Variants in SMIM35 observed in about 807,000 individuals in gnomAD.
SMIM35 encodes the protein small integral membrane protein 35.
intron 1 of SMIM35, among the ~76,000 whole-genome samples, chr11:118,032,643 C>T (rs1045831108): frequency 3.3e-5 from 5 of 152,080 alleles, no homozygotes; most frequent in African/African-American, 1.2e-4. Context: ...CATTGTGGCT[C>T]ACACCTGTAA....
At chr11:118,061,124 C>T (rs915386861) in intron 1 of SMIM35, among the ~76,000 whole-genome samples, 1 of 152,184 alleles carries the variant, frequency 6.6e-6, no homozygotes, top group African/African-American at 2.4e-5. Context: ...CACTGCCACT[C>T]GTGACAGACA....
chr11:118,085,082 G>A lies in SMIM35; in HGVS notation c.7+1669C>T, dbSNP rs79388079. Among the ~76,000 whole-genome samples the A allele has an allele frequency of 5.2e-3, 786 of 152,268 alleles. 3 individuals are homozygous for A. The highest frequency in any genetic ancestry group is 8.2e-3 in the Non-Finnish European group (556 of 68,030). ...ATGTGCACGGTGCTGAGCAGGTGGC[G>A]CACCTTACAGAATCTTTCTCCCCAT... is the stretch of plus-strand genomic sequence containing the variant. On this transcript the variant is annotated intron_variant, in intron 1 of 4. Transcript: ENST00000689828.
At position 118,034,624 on chromosome 11, in the gene SMIM35, C is replaced by T. The variant is rs559662056; in HGVS notation, c.8-18815G>A. On this transcript the variant is annotated intron_variant, in intron 1 of 4. Coordinates refer to ENST00000689828, the MANE Select transcript of SMIM35 (RefSeq NM_001394165.1). The stretch of plus-strand genomic sequence containing the variant: ...CTGTAGTCCCAGCTACTTGGAGAAT[C>T]GCCTGGGAGGCAGAGGTTGCAGTGA... 2.8e-4 allele frequency among the ~76,000 whole-genome samples: 43 copies of T among 152,214 alleles called. 1 individual carries two copies. In the South Asian group the frequency reaches 8.7e-3, roughly 31 times the overall value.
chr11:118,036,558 G>A (rs2058360843), intron 1 of SMIM35, among the ~76,000 whole-genome samples: 1 of 152,218 alleles, frequency 6.6e-6, no homozygotes, highest in Admixed American at 6.5e-5. Flanking sequence ...GCACAGGGCT[G>A]GGTGATGCAT....
intron 1 of SMIM35, among the ~76,000 whole-genome samples, chr11:118,018,851 C>T (rs575539400): frequency 1.3e-5 from 2 of 151,914 alleles, no homozygotes; most frequent in African/African-American, 4.8e-5. Flanking sequence ...ATTCTTTAGT[C>T]TTTTTTTTAA....
intron 1 of SMIM35, among the ~76,000 whole-genome samples, chr11:118,061,824 T>C (rs1944399309): frequency 6.6e-6 from 1 of 152,050 alleles, no homozygotes; most frequent in African/African-American, 2.4e-5. Context: ...CCATTATGAG[T>C]TGACTTCACA....
At chr11:118,036,803 A>G (rs1247620284) in intron 1 of SMIM35, among the ~76,000 whole-genome samples, 2 of 152,160 alleles carry the variant, frequency 1.3e-5, no homozygotes. Flanking sequence ...GCAAGATTTA[A>G]TAGAGTGAAA....
At chr11:118,047,268 C>A (rs147587066) in intron 1 of SMIM35, among the ~76,000 whole-genome samples, 1 of 152,168 alleles carries the variant, frequency 6.6e-6, no homozygotes, top group African/African-American at 2.4e-5. Context: ...GATTTATTGG[C>A]GATCTCATCT....
chr11:118,033,530 T>C (rs2058335670), intron 1 of SMIM35, among the ~76,000 whole-genome samples: 1 of 152,188 alleles, frequency 6.6e-6, no homozygotes. Context: ...TTTGTTGTTG[T>C]TGTTGTTGCT....
chr11:118,046,125 A>G (rs746812810), intron 1 of SMIM35, among the ~76,000 whole-genome samples: 14 of 152,200 alleles, frequency 9.2e-5, no homozygotes, highest in Non-Finnish European at 2.1e-4. Context: ...ATTTATCAGT[A>G]GCCTTTGTCC....
rs1374787286 is a variant in SMIM35, at chr11:118,004,147, T to C, written c.*2263A>G. On this transcript the variant is annotated 3_prime_UTR_variant, in exon 5 of 5. Transcript: ENST00000689828. ...TCTTACAAGGGCACTAATCCCATCA[T>C]GGAGGCCCCATCCTCATGACCTCAT... 6.6e-6 allele frequency: 1 copy of C among 152,238 alleles called. No individual in the cohort carries two copies. Among genetic ancestry groups the C allele is most frequent in the Non-Finnish European group, 1.5e-5 (1 of 68,062 alleles). The allele number at this position is 152,238 out of a possible 1,614,324, so 9.4% of individuals were successfully genotyped here.
intron 1 of SMIM35, among the ~76,000 whole-genome samples, chr11:118,072,318 G>A (rs189371193): frequency 3.5e-4 from 53 of 152,160 alleles, no homozygotes; most frequent in African/African-American, 1.2e-3. Flanking sequence ...GGCAAAACCC[G>A]TCTCTACTAA....
chr11:118,015,265 C>A (rs1333645526), intron 2 of SMIM35, among the ~76,000 whole-genome samples: 1 of 152,198 alleles, frequency 6.6e-6, no homozygotes, highest in Non-Finnish European at 1.5e-5. Flanking sequence ...AACACCACAG[C>A]AAATTCCAGG....
At chr11:118,057,082 A>G (rs1207444655) in intron 1 of SMIM35, among the ~76,000 whole-genome samples, 1 of 152,238 alleles carries the variant, frequency 6.6e-6, no homozygotes, top group Non-Finnish European at 1.5e-5. Flanking sequence ...GGAAGCCTCA[A>G]GGGAAAGCGG....
chr11:118,014,449 G>T (rs1363372445), intron 3 of SMIM35, among the ~76,000 whole-genome samples: 1 of 151,974 alleles, frequency 6.6e-6, no homozygotes, highest in Non-Finnish European at 1.5e-5. Context: ...TGGATGGATG[G>T]GTGGATGGAT....
At chr11:118,066,245 C>T (rs1320164532) in intron 1 of SMIM35, among the ~76,000 whole-genome samples, 3 of 152,114 alleles carry the variant, frequency 2.0e-5, no homozygotes, top group South Asian at 2.1e-4. Context: ...TGGATCTCTT[C>T]GCCCTTGTTT....
At chr11:118,059,650 G>A (rs1339542773) in intron 1 of SMIM35, 1 of 152,254 alleles carries the variant, frequency 6.6e-6, no homozygotes. Flanking sequence ...GGGGTGCCCT[G>A]GGGTCCGTCA....
intron 1 of SMIM35, among the ~76,000 whole-genome samples, chr11:118,048,565 G>A (rs1382555536): frequency 0.014 from 1,019 of 74,708 alleles, 31 homozygotes; most frequent in African/African-American, 0.043. Context: ...AAGGAAGGAA[G>A]GAAGGAAGGA....
chr11:118,086,227 C>G (rs896074795), intron 1 of SMIM35, among the ~76,000 whole-genome samples: 3 of 152,316 alleles, frequency 2.0e-5, no homozygotes, highest in African/African-American at 7.2e-5. Context: ...TGCCCGAACA[C>G]AAAAGCTGAT....
Sources: gnomAD v4.1 joint callset for allele counts (sites outside exome capture counted in the v4.1 genomes callset) on GRCh38, gnomAD v4.1.1 for gene constraint, MANE v1.5 for transcripts, NCBI Gene and HGNC (gene_info 2026-07-23, HGNC 2026-07-21) for gene names.